The following AP5Z1 variants were observed in gnomAD, a reference collection of about 807,000 sequenced individuals.
The protein encoded by AP5Z1 is AP-5 complex subunit zeta-1.
In AP5Z1, 106 loss-of-function variants were observed where a neutral mutation model predicts 83.0. The observed-to-expected ratio is 1.28, with a 90% CI of 1.09 to 1.50. The LOEUF is 1.50. Ranked by LOEUF, AP5Z1 falls within the 40% of genes most tolerant of loss-of-function variation. The pLI is 0.00. For synonymous variants in AP5Z1, 751 were observed against 514.1 expected (o/e 1.46, Z -6.23); for missense variants, 1,565 against 1,094.2 (o/e 1.43, Z -6.07).
chr7:4,788,821 G>T lies in AP5Z1; in HGVS notation c.1596-19G>T. ...AGGTCGGGGAGCGGGCAGCACTCAC[G>T]GCCACACTGTGTCCTCAGGTTGGCG... On this transcript the variant is annotated intron_variant, in intron 12 of 16. Coordinates refer to ENST00000649063, the MANE Select transcript of AP5Z1 (RefSeq NM_014855.3). 6.3e-7 allele frequency: 1 copy of T among 1,584,058 alleles called. No homozygotes were observed. Among genetic ancestry groups the T allele is most frequent in the South Asian group, 1.2e-5 (1 of 86,876 alleles).
rs2115139290 is a variant in AP5Z1 at position 4,794,149 on chromosome 7, A to G, written c.*2764A>G. ...GGGGACTTGGAAAACCTTTTTGTCA[A>G]CACTCTGTATCTAGTTAATCTGGTG... On this transcript the variant is annotated 3_prime_UTR_variant, in exon 17 of 17. Transcript: ENST00000649063. The G allele has an allele frequency of 6.6e-6, 1 of 152,380 alleles. No homozygotes were observed. Among genetic ancestry groups the G allele is most frequent in the African/African-American group, 2.4e-5 (1 of 41,566 alleles). The allele number at this position is 152,380 out of a possible 1,614,324, so 9.4% of individuals were successfully genotyped here.
At chr7:4,780,321 A>G (rs1583226716) in intron 1 of AP5Z1, among the ~76,000 whole-genome samples, 1 of 152,196 alleles carries the variant, frequency 6.6e-6, no homozygotes. Context: ...TCTTTAATAT[A>G]TAAGATTTTA....
intron 1 of AP5Z1, among the ~76,000 whole-genome samples, chr7:4,777,861 A>T (rs1583224303): frequency 6.6e-6 from 1 of 152,302 alleles, no homozygotes; most frequent in East Asian, 1.9e-4. Flanking sequence ...TTTTCACAAT[A>T]TTCTTAAGCC....
chr7:4,788,933 C>G lies in AP5Z1; in HGVS notation c.1689C>G (p.Phe563Leu), dbSNP rs757247884. 1.2e-6 allele frequency: 2 copies of G among 1,611,284 alleles called. No individual in the cohort carries two copies. Among genetic ancestry groups the G allele is most frequent in the Non-Finnish European group, 1.7e-6 (2 of 1,179,420 alleles). ...AQAVPTLLQA[F>L]FSAVTQVADG... ...CCGTGCCCACGCTGCTGCAGGCATT[C>G]TTCTCAGCAGTGACCCAGGTGAGCT... Residue 563 changes from phenylalanine (F) to leucine (L), a missense_variant, in exon 13 of 17, where the codon TTC becomes TTG. By Grantham distance (22) the Phe-to-Leu change is conservative. Transcript: ENST00000649063.
Position 4,786,296 on chromosome 7 carries a change from C to T in AP5Z1, c.1179C>T (p.Phe393=), listed in dbSNP as rs1781541672. 6.2e-7 allele frequency: 1 copy of T among 1,613,498 alleles called. No homozygotes were observed. Among genetic ancestry groups the T allele is most frequent in the Non-Finnish European group, 8.5e-7 (1 of 1,179,648 alleles). Reference sequence around the variant, plus strand: ...CGGAAGCCGTCTACCAGCACCTGTTCACCAGGATCCCGGTGGAGCAGTTCC... The same window carrying T: ...CGGAAGCCGTCTACCAGCACCTGTTTACCAGGATCCCGGTGGAGCAGTTCC... ...VDSEAVYQHL[F]TRIPVEQFHS... is the part of the protein sequence containing the mutation. Residue 393 remains phenylalanine, a synonymous_variant, in exon 10 of 17, where the codon TTC becomes TTT. Transcript: ENST00000649063.
At chr7:4,780,885 C>A (rs1054251596) in intron 1 of AP5Z1, among the ~76,000 whole-genome samples, 2 of 152,140 alleles carry the variant, frequency 1.3e-5, no homozygotes, top group East Asian at 3.9e-4. Flanking sequence ...TAAAAAGAAT[C>A]GGTTTTAGTC....
At chr7:4,776,527 C>G (rs1350834243) in intron 1 of AP5Z1, among the ~76,000 whole-genome samples, 2 of 148,298 alleles carry the variant, frequency 1.3e-5, no homozygotes, top group Non-Finnish European at 3.0e-5. Flanking sequence ...GACCAGCGTG[C>G]CCAACATGAG....
chr7:4,790,052 TCA>T, intron 14 of AP5Z1, 123 bp downstream of exon 14: 1 of 1,094,316 alleles, frequency 9.1e-7, no homozygotes, highest in Non-Finnish European at 1.2e-6. Context: ...CTCAGCAGCC[TCA>T]GACCCTGCCA....
chr7:4,788,431 A>T lies in AP5Z1; in HGVS notation c.1595+137A>T, dbSNP rs376352540. ...CACACAAGGCTGCGTCCCCGTCATC[A>T]CCATTATAGAGGCCCTGCTTCTGCA... On this transcript the variant is annotated intron_variant, in intron 12 of 16. Transcript: ENST00000649063. 88 of 1,133,934 alleles carry T rather than the reference A, an allele frequency of 7.8e-5. 1 individual carries two copies. The African/African-American group carries it at 1.1e-3, about 15-fold the overall frequency. 70.2% of individuals were successfully genotyped at this position (1,133,934 alleles called of 1,614,324 possible).
chr7:4,780,579 A>G (rs1467944343), intron 1 of AP5Z1, among the ~76,000 whole-genome samples: 1 of 152,194 alleles, frequency 6.6e-6, no homozygotes, highest in African/African-American at 2.4e-5. Context: ...CCTGGCCAAC[A>G]TGGTGAAACC....
At chr7:4,779,485 T>A (rs997104888) in intron 1 of AP5Z1, among the ~76,000 whole-genome samples, 143 of 148,266 alleles carry the variant, frequency 9.6e-4, no homozygotes, top group African/African-American at 3.4e-3. Context: ...TATATATATT[T>A]TTTTTTGAAG....
rs943195455 is a variant in AP5Z1 at position 4,792,125 on chromosome 7, A to C, written c.*740A>C. ...AGCTCAGAACACTGGATTCGCGCGA[A>C]GGGGAGGTGTCTGGGCGTGCGGCCC... is the stretch of plus-strand genomic sequence containing the variant. On this transcript the variant is annotated 3_prime_UTR_variant, in exon 17 of 17. Coordinates refer to ENST00000649063, the MANE Select transcript of AP5Z1 (RefSeq NM_014855.3). 8 of 152,236 alleles carry C rather than the reference A, an allele frequency of 5.3e-5. No homozygotes were observed. Among genetic ancestry groups the C allele is most frequent in the African/African-American group, 1.9e-4 (8 of 41,436 alleles). 9.4% of individuals were successfully genotyped at this position (152,236 alleles called of 1,614,324 possible). A position where few individuals can be genotyped will look rare whatever the true frequency, so the allele number is the denominator to read the frequency against.
At chr7:4,782,425 T>C (rs986875027) in intron 3 of AP5Z1, among the ~76,000 whole-genome samples, 5 of 152,158 alleles carry the variant, frequency 3.3e-5, no homozygotes, top group Admixed American at 1.3e-4. Flanking sequence ...GAAGCTGCTA[T>C]CTCTGCTCAT....
chr7:4,788,846 G>C lies in AP5Z1; in HGVS notation c.1602G>C (p.Ala534=). Residue 534 remains alanine, a synonymous_variant, in exon 13 of 17, where the codon GCG becomes GCC. Coordinates refer to ENST00000649063, the MANE Select transcript of AP5Z1 (RefSeq NM_014855.3). The part of the protein sequence containing the change: ...PKASGATERL[A]PLHQLLQPMA... Reference sequence around the variant, plus strand: ...GGCCACACTGTGTCCTCAGGTTGGCGCCACTCCACCAGCTGCTGCAGCCCA... The same window carrying C: ...GGCCACACTGTGTCCTCAGGTTGGCCCCACTCCACCAGCTGCTGCAGCCCA... 2 of 1,605,502 alleles carry C rather than the reference G, an allele frequency of 1.2e-6. No homozygotes were observed. The highest frequency in any genetic ancestry group is 1.7e-6 in the Non-Finnish European group (2 of 1,176,502).
At chr7:4,783,178 G>A (rs1490862657) in intron 3 of AP5Z1, 138 bp from the exon 4 acceptor site, 26 of 1,343,460 alleles carry the variant, frequency 1.9e-5, no homozygotes, top group Admixed American at 2.7e-5. Flanking sequence ...GGCCTGCGCG[G>A]GACATCCTCC....
At chr7:4,784,456 G>T (rs909616329) in intron 6 of AP5Z1, 85 bp downstream of exon 6, 5 of 1,440,046 alleles carry the variant, frequency 3.5e-6, no homozygotes, top group Non-Finnish European at 4.6e-6. Context: ...GGGCGGAGGT[G>T]GGGGGACTCG....
At chr7:4,782,052 G>A (rs1262941652) in intron 3 of AP5Z1, among the ~76,000 whole-genome samples, 1 of 152,118 alleles carries the variant, frequency 6.6e-6, no homozygotes, top group Admixed American at 6.5e-5. Flanking sequence ...TCTTTTTGGG[G>A]TTTTTGTTTT....
Position 4,790,881 on chromosome 7 carries a change from TCCC to T in AP5Z1, c.2149_2151del (p.Pro717del). The T allele has an allele frequency of 6.2e-7, 1 of 1,601,460 alleles. No individual in the cohort carries two copies. The highest frequency in any genetic ancestry group is 8.5e-7 in the Non-Finnish European group (1 of 1,175,020). On this transcript the variant is annotated inframe_deletion, in exon 16 of 17. Transcript: ENST00000649063. Reference sequence around the variant, plus strand: ...CTGGCCTCCCGGAGCCAAGATCTGATCCCCAGGTGCCTGGTCAGGGAGGGAGCG... The same window carrying T: ...CTGGCCTCCCGGAGCCAAGATCTGATCAGGTGCCTGGTCAGGGAGGGAGCG...
chr7:4,783,292 G>T, intron 3 of AP5Z1, 24 bp from the exon 4 acceptor site: 3 of 1,581,008 alleles, frequency 1.9e-6, no homozygotes, highest in Non-Finnish European at 2.6e-6. Flanking sequence ...CAGTACCCCA[G>T]CGTTTGCCCT....
Sources: gnomAD v4.1 joint callset for allele counts (sites outside exome capture counted in the v4.1 genomes callset) on GRCh38, gnomAD v4.1.1 for gene constraint, MANE v1.5 for transcripts, NCBI Gene and HGNC (gene_info 2026-07-23, HGNC 2026-07-21) for gene names.